PPAT: variants seen among roughly 807,000 people sequenced by gnomAD.
PPAT encodes the protein amidophosphoribosyltransferase.
Under a neutral mutation model 60.2 loss-of-function variants are expected in PPAT, and 20 were observed. That is an observed-to-expected ratio of 0.33 (90% CI 0.23 to 0.48). PPAT has a LOEUF of 0.48. Ranked by LOEUF, PPAT falls within the 20% of genes least tolerant of loss-of-function variation. The pLI, the probability that PPAT is intolerant of heterozygous loss-of-function variation, is 0.99. For missense variants in PPAT, 349 were observed against 629.6 expected (o/e 0.55, Z 4.77); for synonymous variants, 194 against 215.1 (o/e 0.90, Z 0.86).
intron 1 of PPAT, chr4:56,423,585 T>C (rs1476256786): frequency 6.6e-6 from 1 of 152,126 alleles, no homozygotes; most frequent in Non-Finnish European, 1.5e-5. Context: ...GTTAGTCCTC[T>C]GGAAAACTTA....
chr4:56,432,443 T>C (rs1188430425), intron 1 of PPAT, among the ~76,000 whole-genome samples: 1 of 147,830 alleles, frequency 6.8e-6, no homozygotes, highest in Non-Finnish European at 1.5e-5. Flanking sequence ...CGAGAATCAC[T>C]TGAACTTGGG....
At chr4:56,429,674 TTA>T (rs1381751127) in intron 1 of PPAT, among the ~76,000 whole-genome samples, 1 of 152,188 alleles carries the variant, frequency 6.6e-6, no homozygotes, top group African/African-American at 2.4e-5. Flanking sequence ...AGATTGTTTT[TTA>T]GTTAACACAA....
intron 2 of PPAT, 46 bp downstream of exon 2, chr4:56,407,604 C>A: frequency 6.8e-7 from 1 of 1,473,272 alleles, no homozygotes; most frequent in Non-Finnish European, 9.5e-7. Context: ...AGGCATGAAC[C>A]ACCGCACTTG....
chr4:56,435,314 G>T (rs765642098), intron 1 of PPAT, 36 bp downstream of exon 1: 1 of 1,611,206 alleles, frequency 6.2e-7, no homozygotes, highest in South Asian at 1.1e-5. Context: ...GAGAGATGGA[G>T]ACGCACGCCC....
intron 3 of PPAT, among the ~76,000 whole-genome samples, chr4:56,403,691 A>C (rs1175888359): frequency 6.6e-6 from 1 of 152,222 alleles, no homozygotes; most frequent in East Asian, 1.9e-4. Context: ...ATAATGAAAT[A>C]ATTATACAAC....
intron 1 of PPAT, among the ~76,000 whole-genome samples, chr4:56,431,920 C>T (rs1259671088): frequency 6.6e-6 from 1 of 152,154 alleles, no homozygotes; most frequent in African/African-American, 2.4e-5. Context: ...CATGCATGCA[C>T]AGTTTACAGC....
intron 5 of PPAT, 93 bp from the exon 6 acceptor site, chr4:56,402,274 A>C (rs1245798839): frequency 1.2e-6 from 1 of 861,550 alleles, no homozygotes; most frequent in Non-Finnish European, 1.8e-6. Context: ...TAAGTAAATA[A>C]AACTCATAGA....
At chr4:56,409,357 T>C (rs1716347455) in intron 1 of PPAT, among the ~76,000 whole-genome samples, 1 of 152,208 alleles carries the variant, frequency 6.6e-6, no homozygotes, top group South Asian at 2.1e-4. Context: ...TAGATGTAAA[T>C]TAAAATCTCC....
In PPAT at chr4:56,418,618, CA is replaced by C. The variant is rs1192710256; in HGVS notation, c.129-10903del. On this transcript the variant is annotated intron_variant, in intron 1 of 10. Coordinates refer to ENST00000264220, the MANE Select transcript of PPAT (RefSeq NM_002703.5). ...ACAGGCCTGAGCCACCATGCCCAGCCAAAAATTCCTTTCTTTAATAATATTA... is the reference window on the plus strand; with the variant it reads ...ACAGGCCTGAGCCACCATGCCCAGCCAAAATTCCTTTCTTTAATAATATTA... Among the ~76,000 whole-genome samples, 11 of 152,216 alleles carry C rather than the reference CA, an allele frequency of 7.2e-5. No individual in the cohort carries two copies. In the East Asian group the frequency reaches 1.9e-3, roughly 27 times the overall value.
chr4:56,422,482 C>CGTGTGTGTGTGTGT (rs71194105), intron 1 of PPAT: 1 of 138,532 alleles, frequency 7.2e-6, no homozygotes, highest in African/African-American at 2.7e-5. Flanking sequence ...TTTTTTTGTA[C>CGTGTGTGTGTGTGT]GTGTGTGTGT....
At chr4:56,427,861 G>A (rs1717374279) in intron 1 of PPAT, among the ~76,000 whole-genome samples, 1 of 152,138 alleles carries the variant, frequency 6.6e-6, no homozygotes, top group Non-Finnish European at 1.5e-5. Context: ...AAGTCTAACA[G>A]AGAAGATCTC....
At chr4:56,400,038 T>C (rs530722827) in intron 8 of PPAT, 1 of 152,348 alleles carries the variant, frequency 6.6e-6, no homozygotes, top group African/African-American at 2.4e-5. Flanking sequence ...TTCAAGACGT[T>C]TATTTTAATA....
chr4:56,432,129 A>C (rs1717617367), intron 1 of PPAT, among the ~76,000 whole-genome samples: 1 of 152,168 alleles, frequency 6.6e-6, no homozygotes, highest in Non-Finnish European at 1.5e-5. Flanking sequence ...TATTCTGTTA[A>C]CCCCAGGACT....
intron 2 of PPAT, 125 bp from the exon 3 acceptor site, chr4:56,406,826 A>G: frequency 1.4e-6 from 1 of 708,672 alleles, no homozygotes; most frequent in Non-Finnish European, 2.3e-6. Context: ...TCTGTGTTTC[A>G]GAATTCTAAT....
chr4:56,425,816 TAATC>T (rs1354856314), intron 1 of PPAT, among the ~76,000 whole-genome samples: 4 of 152,152 alleles, frequency 2.6e-5, no homozygotes, highest in African/African-American at 9.7e-5. Flanking sequence ...GCCAATGACT[TAATC>T]AATCACATCA....
At chr4:56,402,243 G>T in intron 5 of PPAT, 62 bp from the exon 6 acceptor site, 1 of 1,241,662 alleles carries the variant, frequency 8.1e-7, no homozygotes, top group Non-Finnish European at 1.2e-6. Flanking sequence ...TATTTCAATG[G>T]AACAGCTAAC....
At chr4:56,435,238 T>C in intron 1 of PPAT, 112 bp downstream of exon 1, 1 of 1,492,994 alleles carries the variant, frequency 6.7e-7, no homozygotes, top group South Asian at 1.2e-5. Context: ...CTGGCTTAGG[T>C]CGGAGAGGTC....
chr4:56,405,692 G>A (rs141652640), intron 3 of PPAT, among the ~76,000 whole-genome samples: 6 of 152,308 alleles, frequency 3.9e-5, no homozygotes, highest in African/African-American at 7.2e-5. Flanking sequence ...CCCCTGGAAA[G>A]GGCATGGAAG....
chr4:56,408,086 T>C (rs936298664), intron 1 of PPAT: 18 of 180,638 alleles, frequency 1.0e-4, no homozygotes, highest in Admixed American at 6.2e-4. Flanking sequence ...TCTCAGATTA[T>C]AGATTAACTC....
Sources: gnomAD v4.1 joint callset for allele counts (sites outside exome capture counted in the v4.1 genomes callset) on GRCh38, gnomAD v4.1.1 for gene constraint, MANE v1.5 for transcripts, NCBI Gene and HGNC (gene_info 2026-07-23, HGNC 2026-07-21) for gene names.